The following XPR1 variants were observed in gnomAD, a reference collection of about 807,000 sequenced individuals.
XPR1 encodes solute carrier family 53 member 1.
Under a neutral mutation model 87.5 loss-of-function variants are expected in XPR1, and 28 were observed. The observed-to-expected ratio is 0.32, with a 90% CI of 0.24 to 0.44. The LOEUF (loss-of-function observed/expected upper bound fraction) is 0.44. XPR1 is among the 20% of genes least tolerant of loss of function. The pLI is 1.00. For missense variants in XPR1, 559 were observed against 862.3 expected (o/e 0.65, Z 4.41); for synonymous variants, 300 against 306.1 (o/e 0.98, Z 0.21).
chr1:180,652,727 T>G (rs1655337575), intron 1 of XPR1, among the ~76,000 whole-genome samples: 1 of 152,242 alleles, frequency 6.6e-6, no homozygotes, highest in African/African-American at 2.4e-5. Flanking sequence ...ATGTAAATTT[T>G]GTGGTATAAA....
At chr1:180,798,745 C>G (rs1439102570) in intron 3 of XPR1, among the ~76,000 whole-genome samples, 2 of 152,124 alleles carry the variant, frequency 1.3e-5, no homozygotes, top group Non-Finnish European at 2.9e-5. Flanking sequence ...TTCTGAGCAC[C>G]TGGAATCACA....
intron 11 of XPR1, among the ~76,000 whole-genome samples, chr1:180,853,667 A>ACACACC (rs1283931843): frequency 3.8e-5 from 5 of 133,078 alleles, no homozygotes; most frequent in South Asian, 2.4e-4. Flanking sequence ...ACACACACAC[A>ACACACC]CCCTACCTCT....
intron 2 of XPR1, among the ~76,000 whole-genome samples, chr1:180,745,657 A>T (rs1659067667): frequency 1.3e-5 from 2 of 152,150 alleles, no homozygotes; most frequent in South Asian, 4.1e-4. Flanking sequence ...ACAGATTTAG[A>T]GGATTTTTGG....
chr1:180,641,204 G>GT lies in XPR1; in HGVS notation c.69+8934_69+8935insT, dbSNP rs1204296476. On this transcript the variant is annotated intron_variant, in intron 1 of 14. Transcript: ENST00000367590. ...AACAGGGATAATAATAGTACTTACA[G>GT]GATTGTTGTGAGGATTAAATGAGTT... is the stretch of plus-strand genomic sequence containing the variant. Among the ~76,000 whole-genome samples the GT allele has an allele frequency of 2.0e-5, 3 of 152,106 alleles. No individual in the cohort carries two copies. In the East Asian group the frequency reaches 5.8e-4, roughly 29 times the overall value.
intron 2 of XPR1, among the ~76,000 whole-genome samples, chr1:180,756,022 G>A (rs558572174): frequency 6.6e-6 from 1 of 152,318 alleles, no homozygotes; most frequent in South Asian, 2.1e-4. Flanking sequence ...TAGTGGAGAT[G>A]TCTCCCACTT....
chr1:180,709,265 G>C (rs547441635), intron 2 of XPR1, among the ~76,000 whole-genome samples: 6 of 152,310 alleles, frequency 3.9e-5, no homozygotes, highest in African/African-American at 1.2e-4. Flanking sequence ...CTCCTGGTTA[G>C]TGTGTTTTTT....
chr1:180,689,104 G>A (rs573035111), intron 2 of XPR1, among the ~76,000 whole-genome samples: 5 of 151,994 alleles, frequency 3.3e-5, no homozygotes, highest in Non-Finnish European at 5.9e-5. Context: ...CCAAGGTAAC[G>A]GAACTAAGAA....
chr1:180,702,214 C>A (rs1657360178), intron 2 of XPR1, among the ~76,000 whole-genome samples: 1 of 99,202 alleles, frequency 1.0e-5, no homozygotes, highest in African/African-American at 4.2e-5. Flanking sequence ...CATTCAGGAG[C>A]AGGTTGTTCA....
At chr1:180,773,186 A>G (rs1165342560) in intron 2 of XPR1, among the ~76,000 whole-genome samples, 1 of 152,178 alleles carries the variant, frequency 6.6e-6, no homozygotes, top group Non-Finnish European at 1.5e-5. Flanking sequence ...ATGACTAGGG[A>G]GAAAATGTGA....
chr1:180,770,194 T>C (rs1648456610), intron 2 of XPR1, among the ~76,000 whole-genome samples: 1 of 152,200 alleles, frequency 6.6e-6, no homozygotes, highest in African/African-American at 2.4e-5. Context: ...TTCTTTCAGT[T>C]ACATGTTTAA....
intron 11 of XPR1, among the ~76,000 whole-genome samples, chr1:180,862,859 A>G (rs769254968): frequency 6.6e-6 from 1 of 152,124 alleles, no homozygotes; most frequent in African/African-American, 2.4e-5. Flanking sequence ...ATGCAGAACC[A>G]TATTAGTAGT....
intron 2 of XPR1, among the ~76,000 whole-genome samples, chr1:180,720,605 T>C (rs932776561): frequency 5.9e-5 from 9 of 152,188 alleles, no homozygotes; most frequent in Non-Finnish European, 2.9e-5. Context: ...TTTCAAAGTG[T>C]GGTTCTTAGA....
intron 2 of XPR1, among the ~76,000 whole-genome samples, chr1:180,771,282 G>GTT (rs974471852): frequency 6.7e-6 from 1 of 148,740 alleles, no homozygotes; most frequent in Non-Finnish European, 1.5e-5. Context: ...GTTTGAATTG[G>GTT]TTTTTTTTTT....
chr1:180,830,406 G>C (rs180845438), intron 9 of XPR1, among the ~76,000 whole-genome samples: 2 of 152,224 alleles, frequency 1.3e-5, no homozygotes, highest in African/African-American at 4.8e-5. Context: ...CAGACACCTG[G>C]TCTAGCTTCC....
intron 9 of XPR1, among the ~76,000 whole-genome samples, chr1:180,830,769 T>C (rs1478744596): frequency 6.6e-6 from 1 of 152,170 alleles, no homozygotes; most frequent in African/African-American, 2.4e-5. Context: ...ATCAAGACAA[T>C]CTGCACAATT....
intron 1 of XPR1, among the ~76,000 whole-genome samples, chr1:180,669,758 G>GT (rs776944563): frequency 5.3e-5 from 8 of 152,092 alleles, no homozygotes; most frequent in African/African-American, 1.2e-4. Context: ...TAGGTACTAT[G>GT]TTTTTTCCCA....
At chr1:180,860,964 T>C (rs973921872) in intron 11 of XPR1, among the ~76,000 whole-genome samples, 2 of 152,122 alleles carry the variant, frequency 1.3e-5, no homozygotes, top group Non-Finnish European at 2.9e-5. Flanking sequence ...AATTCCTTTT[T>C]CATGTAACAT....
intron 2 of XPR1, among the ~76,000 whole-genome samples, chr1:180,707,567 G>A (rs1457130668): frequency 6.6e-6 from 1 of 152,286 alleles, no homozygotes; most frequent in East Asian, 1.9e-4. Context: ...TAGGGCTGTG[G>A]AATATAGGCA....
At chr1:180,659,581 G>A (rs1468241243) in intron 1 of XPR1, among the ~76,000 whole-genome samples, 10 of 24,526 alleles carry the variant, frequency 4.1e-4, no homozygotes, top group African/African-American at 1.7e-3. Context: ...ACACCCCCCA[G>A]CCACCGCACC....
Sources: gnomAD v4.1 joint callset for allele counts (sites outside exome capture counted in the v4.1 genomes callset) on GRCh38, gnomAD v4.1.1 for gene constraint, MANE v1.5 for transcripts, NCBI Gene and HGNC (gene_info 2026-07-23, HGNC 2026-07-21) for gene names.